Variants in SORCS3 observed in about 807,000 individuals in gnomAD.
SORCS3 encodes the protein VPS10 domain-containing receptor SorCS3.
SORCS3 carries 57 observed loss-of-function variants against 146.3 expected under a neutral mutation model. The ratio of observed to expected loss-of-function variants is 0.39; its 90% CI spans 0.31 to 0.49. SORCS3 has a LOEUF of 0.49. Ranked by LOEUF, SORCS3 falls within the 20% of genes least tolerant of loss-of-function variation. The pLI is 0.92. For synonymous variants in SORCS3, 653 were observed against 618.5 expected (o/e 1.06, Z -0.83); for missense variants, 1,341 against 1,575.5 (o/e 0.85, Z 2.52).
chr10:105,016,134 A>AATATATATATATAT (rs1355412638), intron 4 of SORCS3, among the ~76,000 whole-genome samples: 30 of 113,644 alleles, frequency 2.6e-4, no homozygotes, highest in African/African-American at 7.0e-4. Flanking sequence ...ATATTATATA[A>AATATATATATATAT]ATATATATAT....
At chr10:105,180,294 A>G (rs2056435332) in intron 14 of SORCS3, among the ~76,000 whole-genome samples, 1 of 152,238 alleles carries the variant, frequency 6.6e-6, no homozygotes, top group Admixed American at 6.5e-5. Context: ...GCAGTTCACA[A>G]GTGGAAAACC....
rs555027635 is a variant in SORCS3 at position 104,723,062 on chromosome 10, G to T, written c.627+81108G>T. On this transcript the variant is annotated intron_variant, in intron 1 of 26. Transcript: ENST00000369701. ...CTCTTGCTTCTCTAGTTCTTTTAAT[G>T]GTGATGTTAGGGTGTCAACTTTAGA... Among the ~76,000 whole-genome samples, 15 of 152,050 alleles carry T rather than the reference G, an allele frequency of 9.9e-5. No individual in the cohort carries two copies. In the East Asian group the frequency reaches 1.4e-3, roughly 14 times the overall value.
intron 1 of SORCS3, among the ~76,000 whole-genome samples, chr10:104,735,437 T>G (rs2016756480): frequency 7.0e-6 from 1 of 143,808 alleles, no homozygotes; most frequent in African/African-American, 2.6e-5. Flanking sequence ...GCTGCGGTAT[T>G]CATGAGCTCT....
chr10:105,167,457 A>T (rs766324033), intron 13 of SORCS3, 108 bp downstream of exon 13: 1 of 760,996 alleles, frequency 1.3e-6, no homozygotes, highest in Non-Finnish European at 2.2e-6. Context: ...ACATTTCCTC[A>T]TCCATTTATT....
At chr10:105,020,357 G>A (rs1002435013) in intron 4 of SORCS3, among the ~76,000 whole-genome samples, 1 of 152,132 alleles carries the variant, frequency 6.6e-6, no homozygotes, top group African/African-American at 2.4e-5. Flanking sequence ...CTCCTTTGCT[G>A]TCAGGATGAA....
intron 3 of SORCS3, among the ~76,000 whole-genome samples, chr10:104,960,699 C>T (rs929091316): frequency 2.6e-5 from 4 of 152,214 alleles, no homozygotes; most frequent in African/African-American, 4.8e-5. Context: ...AAAACTGCCA[C>T]GTAGGGTATT....
chr10:105,242,655 TAC>T (rs1466627650), intron 20 of SORCS3, among the ~76,000 whole-genome samples: 1 of 95,420 alleles, frequency 1.0e-5, no homozygotes, highest in African/African-American at 4.1e-5. Flanking sequence ...TATATTTATA[TAC>T]ATTTATATAT....
chr10:104,861,327 C>T (rs1171537253), intron 2 of SORCS3, among the ~76,000 whole-genome samples: 2 of 152,180 alleles, frequency 1.3e-5, no homozygotes, highest in Non-Finnish European at 2.9e-5. Context: ...TAGCTGTGCA[C>T]TTGAGGCAGT....
intron 4 of SORCS3, among the ~76,000 whole-genome samples, chr10:105,025,287 C>G (rs1020602959): frequency 5.3e-5 from 8 of 152,132 alleles, no homozygotes; most frequent in African/African-American, 1.7e-4. Context: ...CATCTGGAGG[C>G]AAGATCAGCT....
At chr10:104,696,149 AAT>A (rs1480616201) in intron 1 of SORCS3, among the ~76,000 whole-genome samples, 2 of 107,636 alleles carry the variant, frequency 1.9e-5, no homozygotes, top group South Asian at 2.5e-4. Flanking sequence ...TATTATATAT[AAT>A]ATATATACAC....
intron 1 of SORCS3, among the ~76,000 whole-genome samples, chr10:104,789,053 G>A (rs953770545): frequency 2.6e-5 from 4 of 152,140 alleles, no homozygotes; most frequent in Admixed American, 2.0e-4. Flanking sequence ...GGGTGAGGGG[G>A]GCAGGAGTCA....
chr10:105,216,714 C>T (rs2056667080), intron 18 of SORCS3, among the ~76,000 whole-genome samples: 1 of 152,172 alleles, frequency 6.6e-6, no homozygotes, highest in African/African-American at 2.4e-5. Flanking sequence ...CATACCAACT[C>T]AGCTTGCCCC....
intron 1 of SORCS3, among the ~76,000 whole-genome samples, chr10:104,789,801 C>T (rs2017475978): frequency 6.6e-6 from 1 of 152,190 alleles, no homozygotes; most frequent in South Asian, 2.1e-4. Context: ...AAACCCTCTG[C>T]CACCACCCAC....
At chr10:104,974,471 A>T (rs1237306484) in intron 3 of SORCS3, among the ~76,000 whole-genome samples, 1 of 151,706 alleles carries the variant, frequency 6.6e-6, no homozygotes, top group African/African-American at 2.4e-5. Flanking sequence ...GTATCTTTTG[A>T]TCTTTGTTGT....
intron 1 of SORCS3, among the ~76,000 whole-genome samples, chr10:104,803,420 T>C (rs1413864487): frequency 6.6e-6 from 1 of 152,170 alleles, no homozygotes; most frequent in Non-Finnish European, 1.5e-5. Context: ...GAGCTGCCTG[T>C]AGGGGAATGG....
intron 20 of SORCS3, among the ~76,000 whole-genome samples, chr10:105,240,980 A>ATCTATG (rs2056819212): frequency 1.3e-5 from 2 of 151,512 alleles, no homozygotes; most frequent in South Asian, 4.2e-4. Context: ...CTATATCTAT[A>ATCTATG]TATATCTCAG....
intron 3 of SORCS3, among the ~76,000 whole-genome samples, chr10:104,959,987 TG>T (rs2054783709): frequency 6.6e-6 from 1 of 152,212 alleles, no homozygotes; most frequent in Admixed American, 6.5e-5. Flanking sequence ...GTCTCTTATG[TG>T]GTCCATTGTC....
chr10:104,690,447 G>T (rs143872837), intron 1 of SORCS3, among the ~76,000 whole-genome samples: 1 of 152,330 alleles, frequency 6.6e-6, no homozygotes, highest in East Asian at 1.9e-4. Flanking sequence ...CAGATGAGGA[G>T]ACCAAGGCTC....
chr10:104,715,832 T>C (rs1281295304), intron 1 of SORCS3, among the ~76,000 whole-genome samples: 2 of 152,212 alleles, frequency 1.3e-5, no homozygotes, highest in Non-Finnish European at 1.5e-5. Flanking sequence ...TTCTCCCTGA[T>C]TTCAGCCTTC....
Sources: allele counts gnomAD v4.1 joint callset (sites outside exome capture counted in the v4.1 genomes callset), GRCh38; gene constraint gnomAD v4.1.1; transcripts MANE v1.5; gene names NCBI Gene and HGNC (gene_info 2026-07-23, HGNC 2026-07-21).